GDE1: variants seen among roughly 807,000 people sequenced by gnomAD.
The protein encoded by GDE1 is RGS16-interacting membrane protein.
A neutral mutation model predicts 32.2 loss-of-function variants in GDE1; 24 were observed. The observed-to-expected ratio is 0.75, with a 90% CI of 0.54 to 1.05. The LOEUF (loss-of-function observed/expected upper bound fraction) is 1.05, where lower values mean the gene tolerates loss of function less well. Ranked by LOEUF, GDE1 falls within the 50% of genes least tolerant of loss-of-function variation. The probability of loss-of-function intolerance (pLI) is 0.00; values close to 1 mark genes in which losing one functional copy is unlikely to be tolerated. For missense variants in GDE1, 380 were observed against 415.0 expected (o/e 0.92, Z 0.73); for synonymous variants, 159 against 158.6 (o/e 1.00, Z -0.02).
At chr16:19,516,773 T>C (rs563729886) in intron 2 of GDE1, among the ~76,000 whole-genome samples, 4 of 152,352 alleles carry the variant, frequency 2.6e-5, no homozygotes, top group African/African-American at 9.6e-5. Flanking sequence ...CATGATTCTA[T>C]GACTAGACAG....
In GDE1 at chr16:19,520,455, G is replaced by A. The variant is rs527983421; in HGVS notation, c.261+1249C>T. Among the ~76,000 whole-genome samples the A allele has an allele frequency of 4.6e-5, 7 of 151,834 alleles. No individual in the cohort carries two copies. In the South Asian group the frequency reaches 6.2e-4, roughly 14 times the overall value. ...GGAAATGAGGGAGGCCAGGCATGAT[G>A]GCTCATGCCTGTAATCCTAGTACCT... On this transcript the variant is annotated intron_variant, in intron 1 of 5. Transcript: ENST00000353258.
intron 4 of GDE1, among the ~76,000 whole-genome samples, chr16:19,506,836 T>TA (rs1969253505): frequency 6.6e-6 from 1 of 152,070 alleles, no homozygotes; most frequent in South Asian, 2.1e-4. Context: ...GCTATGTTTT[T>TA]AAAAAGGCAT....
chr16:19,512,843 G>A (rs896059823), intron 2 of GDE1, among the ~76,000 whole-genome samples: 1 of 151,768 alleles, frequency 6.6e-6, no homozygotes, highest in Non-Finnish European at 1.5e-5. Context: ...TGTTCTTGGT[G>A]CCTTCATGGA....
chr16:19,509,739 C>T (rs1283539712), intron 3 of GDE1, among the ~76,000 whole-genome samples: 1 of 150,838 alleles, frequency 6.6e-6, no homozygotes, highest in Non-Finnish European at 1.5e-5. Flanking sequence ...CGGCTCAGTG[C>T]AACCTCTGTC....
At chr16:19,511,103 AT>A (rs200614293) in intron 2 of GDE1, among the ~76,000 whole-genome samples, 159 bp from the exon 3 acceptor site, 3,085 of 143,152 alleles carry the variant, frequency 0.022, 76 homozygotes, top group African/African-American at 0.064. Context: ...TTACTTTAAG[AT>A]TTTTTTTTTT....
chr16:19,516,790 C>A (rs974604141), intron 2 of GDE1, among the ~76,000 whole-genome samples: 22 of 152,214 alleles, frequency 1.4e-4, no homozygotes, highest in African/African-American at 4.8e-4. Context: ...ACAGTATTAT[C>A]TTGACAATAA....
At position 19,505,101 on chromosome 16, in the gene GDE1, G is replaced by T. The variant is rs758663648; in HGVS notation, c.637-9C>A. On this transcript the variant is annotated splice_polypyrimidine_tract_variant and intron_variant, in intron 4 of 5. Transcript: ENST00000353258. ...CGATCTGTTTGTCTCATCTGCAAAG[G>T]AATTTGGGGAAGTAAAATAATGATC... 2 of 1,557,412 alleles carry T rather than the reference G, an allele frequency of 1.3e-6. No individual in the cohort carries two copies. Among genetic ancestry groups the T allele is most frequent in the Non-Finnish European group, 1.8e-6 (2 of 1,128,634 alleles).
chr16:19,507,160 A>G (rs1179359583), intron 4 of GDE1, among the ~76,000 whole-genome samples: 1 of 151,066 alleles, frequency 6.6e-6, no homozygotes, highest in Admixed American at 6.6e-5. Flanking sequence ...AAATAAATAA[A>G]TAAATAAATA....
At chr16:19,503,831 A>G in intron 5 of GDE1, 2 of 452,792 alleles carry the variant, frequency 4.4e-6, no homozygotes, top group Non-Finnish European at 7.9e-6. Flanking sequence ...TCAGTAGCTC[A>G]CTAATGATCG....
intron 4 of GDE1, among the ~76,000 whole-genome samples, chr16:19,506,618 C>A (rs191679666): frequency 2.0e-5 from 3 of 152,022 alleles, no homozygotes; most frequent in African/African-American, 4.8e-5. Flanking sequence ...TACCACTGGG[C>A]GACAGAGCAA....
intron 2 of GDE1, among the ~76,000 whole-genome samples, chr16:19,513,340 T>C (rs1969342572): frequency 6.9e-6 from 1 of 145,910 alleles, no homozygotes; most frequent in Admixed American, 6.9e-5. Context: ...TATTTATTCC[T>C]AGGTATTTTG....
Position 19,521,982 on chromosome 16 carries a change from C to T in GDE1, c.-18G>A, listed in dbSNP as rs1969467886. On this transcript the variant is annotated 5_prime_UTR_variant, in exon 1 of 6. Transcript: ENST00000353258. ...AGCCACATGCCGGCGCCCGCACCGGCACGGACGGGAGTCCCGGACCCGCCG... is the reference window on the plus strand; with the variant it reads ...AGCCACATGCCGGCGCCCGCACCGGTACGGACGGGAGTCCCGGACCCGCCG... 1.3e-6 allele frequency: 2 copies of T among 1,523,626 alleles called. No homozygotes were observed. The highest frequency in any genetic ancestry group is 2.0e-5 in the Admixed American group (1 of 49,722). The allele number at this position is 1,523,626 out of a possible 1,614,324, so 94.4% of individuals were successfully genotyped here. A position where few individuals can be genotyped will look rare whatever the true frequency, so the allele number is the denominator to read the frequency against.
At chr16:19,519,217 C>A (rs2151449959) in intron 1 of GDE1, among the ~76,000 whole-genome samples, 2 of 152,168 alleles carry the variant, frequency 1.3e-5, no homozygotes, top group East Asian at 3.9e-4. Context: ...AGCATTCCTT[C>A]CCCCAGGGTA....
chr16:19,510,210 C>A (rs1238332814), intron 3 of GDE1, among the ~76,000 whole-genome samples: 1 of 151,918 alleles, frequency 6.6e-6, no homozygotes, highest in Non-Finnish European at 1.5e-5. Context: ...TAAGTGCAGG[C>A]CCTAAAATTT....
At chr16:19,504,799 T>G (rs140559686) in intron 5 of GDE1, 82 bp downstream of exon 5, 1 of 870,594 alleles carries the variant, frequency 1.1e-6, no homozygotes, top group Non-Finnish European at 1.8e-6. Flanking sequence ...CCAATTCAGG[T>G]TGTCTACTCT....
Position 19,521,938 on chromosome 16 carries a change from G to A in GDE1, c.27C>T (p.Gly9=). 1.3e-6 allele frequency: 2 copies of A among 1,573,328 alleles called. No homozygotes were observed. The highest frequency in any genetic ancestry group is 1.7e-6 in the Non-Finnish European group (2 of 1,159,296). The change falls in exon 1 of 6, where the codon GGC becomes GGT. Residue 9 remains glycine, a synonymous_variant. Coordinates refer to ENST00000353258, the MANE Select transcript of GDE1 (RefSeq NM_016641.4). The part of the protein sequence containing the change: MWLWEDQG[G]LLGPFSFLLL... Reference sequence around the variant, plus strand: ...GCAGGAAGGAGAAAGGGCCCAGGAGGCCGCCCTGGTCCTCCCACAGCCACA... The same window carrying A: ...GCAGGAAGGAGAAAGGGCCCAGGAGACCGCCCTGGTCCTCCCACAGCCACA...
intron 2 of GDE1, among the ~76,000 whole-genome samples, chr16:19,516,665 G>C (rs1156484455): frequency 2.6e-5 from 4 of 152,162 alleles, no homozygotes; most frequent in Non-Finnish European, 5.9e-5. Context: ...AAGTTAAAAT[G>C]TGATATTATA....
intron 2 of GDE1, among the ~76,000 whole-genome samples, chr16:19,513,195 A>G (rs1389332595): frequency 6.6e-6 from 1 of 152,062 alleles, no homozygotes; most frequent in East Asian, 1.9e-4. Context: ...AATTATTTTG[A>G]GTAGAATGGT....
At chr16:19,505,177 C>CT in intron 4 of GDE1, 85 bp from the exon 5 acceptor site, 2 of 921,760 alleles carry the variant, frequency 2.2e-6, no homozygotes, top group Non-Finnish European at 3.6e-6. Flanking sequence ...TGTGCTCAAT[C>CT]AGATGAGGTG....
Sources: gnomAD v4.1 joint callset for allele counts (sites outside exome capture counted in the v4.1 genomes callset) on GRCh38, gnomAD v4.1.1 for gene constraint, MANE v1.5 for transcripts, NCBI Gene and HGNC (gene_info 2026-07-23, HGNC 2026-07-21) for gene names.